Variants in FPR3 observed in about 807,000 individuals in gnomAD.
FPR3 encodes the protein N-formyl peptide receptor 3.
For synonymous variants in FPR3, 135 were observed against 163.6 expected (o/e 0.83, Z 1.34); for missense variants, 346 against 443.2 (o/e 0.78, Z 1.97).
intron 1 of FPR3, among the ~76,000 whole-genome samples, chr19:51,815,917 A>C (rs992111300): frequency 6.6e-6 from 1 of 152,028 alleles, no homozygotes; most frequent in South Asian, 2.1e-4. Context: ...AAGAAAAGAA[A>C]TTAGCCAGGC....
intron 1 of FPR3, among the ~76,000 whole-genome samples, chr19:51,812,691 C>G (rs986542524): frequency 6.6e-6 from 1 of 152,184 alleles, no homozygotes; most frequent in African/African-American, 2.4e-5. Flanking sequence ...TCTCCATAAG[C>G]ACAGGTGCAG....
chr19:51,812,385 T>A (rs188703236), intron 1 of FPR3, among the ~76,000 whole-genome samples: 225 of 152,320 alleles, frequency 1.5e-3, no homozygotes, highest in African/African-American at 5.2e-3. Context: ...ACAAAGAATG[T>A]CTTATGATGG....
intron 1 of FPR3, among the ~76,000 whole-genome samples, chr19:51,803,083 AAGTG>A (rs112996579): frequency 0.19 from 28,711 of 152,126 alleles, 2,860 homozygotes; most frequent in Middle Eastern, 0.27. Context: ...CTAGATATTT[AAGTG>A]AGAAACATTT....
At chr19:51,800,149 C>T (rs1403919617) in intron 1 of FPR3, among the ~76,000 whole-genome samples, 1 of 152,208 alleles carries the variant, frequency 6.6e-6, no homozygotes, top group Non-Finnish European at 1.5e-5. Flanking sequence ...GCACCTGAGT[C>T]CCCAGGGCAC....
intron 1 of FPR3, among the ~76,000 whole-genome samples, chr19:51,822,489 A>G (rs951949739): frequency 1.3e-5 from 2 of 152,172 alleles, no homozygotes; most frequent in Admixed American, 6.5e-5. Context: ...TGCATAGAGA[A>G]AGGGCTTAGA....
chr19:51,823,559 T>C (rs2084206318), intron 1 of FPR3, among the ~76,000 whole-genome samples, 180 bp from the exon 2 acceptor site: 1 of 152,190 alleles, frequency 6.6e-6, no homozygotes, highest in South Asian at 2.1e-4. Context: ...GATGGGAATA[T>C]AGAGAACTAT....
chr19:51,823,657 G>C, intron 1 of FPR3, 82 bp from the exon 2 acceptor site: 1 of 1,066,556 alleles, frequency 9.4e-7, no homozygotes, highest in East Asian at 2.5e-5. Flanking sequence ...GGTAGGAGGA[G>C]GAGCTACAGT....
At position 51,812,159 on chromosome 19, in the gene FPR3, A is replaced by G. The variant is rs545165901; in HGVS notation, c.-10-11580A>G. On this transcript the variant is annotated intron_variant, in intron 1 of 1. Transcript: ENST00000339223. ...TAAATAATACATTAAAATTAAAGTA[A>G]ATTGTTTGCACTTAGAGATTGGCTT... Among the ~76,000 whole-genome samples the G allele has an allele frequency of 1.2e-4, 18 of 152,326 alleles. No individual in the cohort carries two copies. The South Asian group carries it at 3.5e-3, about 30-fold the overall frequency.
chr19:51,813,383 T>A (rs904516182), intron 1 of FPR3, among the ~76,000 whole-genome samples: 1 of 152,150 alleles, frequency 6.6e-6, no homozygotes, highest in African/African-American at 2.4e-5. Flanking sequence ...TTTAATACCA[T>A]CACCTTGGTA....
chr19:51,812,263 A>G (rs1343252410), intron 1 of FPR3, among the ~76,000 whole-genome samples: 2 of 152,218 alleles, frequency 1.3e-5, no homozygotes, highest in African/African-American at 4.8e-5. Context: ...GCCTTCAATA[A>G]TTAAAATTTG....
At chr19:51,800,782 G>A (rs1470921503) in intron 1 of FPR3, among the ~76,000 whole-genome samples, 1 of 152,114 alleles carries the variant, frequency 6.6e-6, no homozygotes, top group Admixed American at 6.6e-5. Flanking sequence ...AATGTGTAAA[G>A]TGAAAACAGC....
chr19:51,798,095 A>G (rs1360198208), intron 1 of FPR3, among the ~76,000 whole-genome samples: 2 of 152,050 alleles, frequency 1.3e-5, no homozygotes, highest in African/African-American at 4.8e-5. Context: ...ATGGGGGCTC[A>G]AAGAGATGTC....
At chr19:51,820,097 C>T (rs2122483272) in intron 1 of FPR3, among the ~76,000 whole-genome samples, 1 of 152,238 alleles carries the variant, frequency 6.6e-6, no homozygotes, top group East Asian at 1.9e-4. Flanking sequence ...AAAATTCAGC[C>T]AAGGCCATCA....
rs541513077 is a variant in FPR3 at position 51,818,481 on chromosome 19, G to T, written c.-10-5258G>T. On this transcript the variant is annotated intron_variant, in intron 1 of 1. Transcript: ENST00000339223. Reference sequence around the variant, plus strand: ...TGGAGTTTGTATATCAGTGCAGAAAGTATTTATGATAGAAAATAAATGAAC... The same window carrying T: ...TGGAGTTTGTATATCAGTGCAGAAATTATTTATGATAGAAAATAAATGAAC... 6.6e-5 allele frequency among the ~76,000 whole-genome samples: 10 copies of T among 152,306 alleles called. 2 individuals carry two copies. Among genetic ancestry groups the T allele is most frequent in the African/African-American group, 2.4e-4 (10 of 41,568 alleles).
chr19:51,797,175 AT>A (rs2084004750), intron 1 of FPR3, among the ~76,000 whole-genome samples: 1 of 152,168 alleles, frequency 6.6e-6, no homozygotes, highest in South Asian at 2.1e-4. Flanking sequence ...GACTCACTGG[AT>A]TTGGCAGCCT....
intron 1 of FPR3, among the ~76,000 whole-genome samples, chr19:51,810,838 T>C (rs546340322): frequency 6.6e-6 from 1 of 152,304 alleles, no homozygotes; most frequent in Non-Finnish European, 1.5e-5. Flanking sequence ...TGTTCATGAA[T>C]AACCTGCTGT....
chr19:51,810,664 T>A lies in FPR3; in HGVS notation c.-10-13075T>A, dbSNP rs140192003. Reference sequence around the variant, plus strand: ...GCCAATTTAAATTCCATGTCAGATATGCACTAGTGGACAAGCAAGTTCGCA... The same window carrying A: ...GCCAATTTAAATTCCATGTCAGATAAGCACTAGTGGACAAGCAAGTTCGCA... On this transcript the variant is annotated intron_variant, in intron 1 of 1. Transcript: ENST00000339223. Among the ~76,000 whole-genome samples, 31 of 152,328 alleles carry A rather than the reference T, an allele frequency of 2.0e-4. No individual in the cohort carries two copies. In the East Asian group the frequency reaches 5.0e-3, roughly 25 times the overall value.
At chr19:51,799,066 C>T (rs1056638656) in intron 1 of FPR3, among the ~76,000 whole-genome samples, 5 of 152,072 alleles carry the variant, frequency 3.3e-5, no homozygotes, top group South Asian at 2.1e-4. Flanking sequence ...GAGATCACAC[C>T]GCTGCAGTCC....
intron 1 of FPR3, among the ~76,000 whole-genome samples, chr19:51,815,450 C>T (rs1372788897): frequency 6.6e-6 from 1 of 151,978 alleles, no homozygotes. Flanking sequence ...GCCCCAGCTA[C>T]TCAGGAGACT....
Sources: gnomAD v4.1 joint callset for allele counts (sites outside exome capture counted in the v4.1 genomes callset) on GRCh38, gnomAD v4.1.1 for gene constraint, MANE v1.5 for transcripts, NCBI Gene and HGNC (gene_info 2026-07-23, HGNC 2026-07-21) for gene names.